The following DDI2 variants were observed in gnomAD, a reference collection of about 807,000 sequenced individuals.
The protein encoded by DDI2 is DDI proteasomal shuttling factor 2, also known as protein DDI1 homolog 2.
A neutral mutation model predicts 48.1 loss-of-function variants in DDI2; 5 were observed. That is an observed-to-expected ratio of 0.10 (90% CI 0.05 to 0.22). The LOEUF is 0.22. Ranked by LOEUF, DDI2 falls within the 10% of genes least tolerant of loss-of-function variation. The probability of loss-of-function intolerance (pLI) is 1.00; values close to 1 mark genes in which losing one functional copy is unlikely to be tolerated. For synonymous variants in DDI2, 205 were observed against 183.6 expected, an observed-to-expected ratio of 1.12 and a Z score of -0.94; for missense variants, 285 against 506.2, an observed-to-expected ratio of 0.56 and a Z score of 4.19.
chr1:15,656,844 G>A, intron 9 of DDI2, 165 bp downstream of exon 9: 1 of 875,782 alleles, frequency 1.1e-6, no homozygotes, highest in Non-Finnish European at 1.7e-6. Flanking sequence ...ATGCATACAT[G>A]GATATGTAAC....
chr1:15,623,166 C>G (rs1639696586), intron 1 of DDI2, among the ~76,000 whole-genome samples: 1 of 152,082 alleles, frequency 6.6e-6, no homozygotes. Context: ...GGTGGTGTTT[C>G]TTCATGTCCA....
Position 15,662,969 on chromosome 1 carries a change from C to T in DDI2, c.*3179C>T, listed in dbSNP as rs1557627198. The T allele has an allele frequency of 1.3e-5, 2 of 151,992 alleles. No individual in the cohort carries two copies. Among genetic ancestry groups the T allele is most frequent in the Non-Finnish European group, 2.9e-5 (2 of 68,006 alleles). The allele number at this position is 151,992 out of a possible 1,614,324, so 9.4% of individuals were successfully genotyped here. A position where few individuals can be genotyped will look rare whatever the true frequency, so the allele number is the denominator to read the frequency against. ...AATATATAGATGTATTTATTGTGGC[C>T]TTTTTTTATATAAGGACTAGCCCTT... On this transcript the variant is annotated 3_prime_UTR_variant, in exon 10 of 10. Coordinates refer to ENST00000480945, the MANE Select transcript of DDI2 (RefSeq NM_032341.5).
At chr1:15,654,072 T>TTACAG (rs539719958) in intron 8 of DDI2, among the ~76,000 whole-genome samples, 336 of 152,326 alleles carry the variant, frequency 2.2e-3, no homozygotes, top group African/African-American at 7.8e-3. Flanking sequence ...TTGGGTTATT[T>TTACAG]TACAGTCTTG....
intron 2 of DDI2, among the ~76,000 whole-genome samples, chr1:15,628,275 A>G (rs1227409088): frequency 1.3e-5 from 2 of 152,162 alleles, no homozygotes; most frequent in African/African-American, 2.4e-5. Context: ...TAGATTAACT[A>G]CCTCACAGAG....
intron 6 of DDI2, among the ~76,000 whole-genome samples, chr1:15,647,303 A>C (rs1570984072): frequency 6.6e-6 from 1 of 151,350 alleles, no homozygotes; most frequent in Non-Finnish European, 1.5e-5. Context: ...ACCTGCTACC[A>C]CACCCGGGTA....
chr1:15,640,394 T>C (rs1639988890), intron 5 of DDI2, among the ~76,000 whole-genome samples: 1 of 152,236 alleles, frequency 6.6e-6, no homozygotes. Flanking sequence ...CTCTGTCTTT[T>C]ACACATAAGG....
rs926845147 is a variant in DDI2, at chr1:15,655,878, G to T, written c.1184-739G>T. ...GAGATCAAGGCTACAGTGAGTTGTG[G>T]TTGCACCACTGCACTCCAACTTAGG... On this transcript the variant is annotated intron_variant, in intron 8 of 9. Coordinates refer to ENST00000480945, the MANE Select transcript of DDI2 (RefSeq NM_032341.5). Among the ~76,000 whole-genome samples the T allele has an allele frequency of 2.6e-5, 4 of 151,492 alleles. No homozygotes were observed. In the East Asian group the frequency reaches 7.7e-4, roughly 29 times the overall value.
chr1:15,640,823 G>A (rs968035391), intron 5 of DDI2, among the ~76,000 whole-genome samples: 1 of 152,138 alleles, frequency 6.6e-6, no homozygotes, highest in Non-Finnish European at 1.5e-5. Flanking sequence ...GTACCTGTGA[G>A]TAATATGAGC....
chr1:15,617,917 G>A (rs1342995305), intron 1 of DDI2, 109 bp downstream of exon 1: 2 of 1,358,686 alleles, frequency 1.5e-6, no homozygotes, highest in Non-Finnish European at 1.9e-6. Context: ...GGGGGAGCAA[G>A]GATAGCCATT....
At chr1:15,632,926 TTTTTTAAAAA>T (rs557397692) in intron 3 of DDI2, among the ~76,000 whole-genome samples, 7,883 of 136,568 alleles carry the variant, frequency 0.058, 287 homozygotes, top group South Asian at 0.08. Flanking sequence ...TTTTTTTTTT[TTTTTTAAAAA>T]AAAAAAAACA....
chr1:15,619,277 C>T (rs1481409526), intron 1 of DDI2, among the ~76,000 whole-genome samples: 3 of 151,648 alleles, frequency 2.0e-5, no homozygotes, highest in African/African-American at 7.3e-5. Flanking sequence ...CGCGCCACCA[C>T]GCCTGGCTAA....
chr1:15,617,947 C>T, intron 1 of DDI2, 139 bp downstream of exon 1: 3 of 1,291,854 alleles, frequency 2.3e-6, no homozygotes, highest in African/African-American at 3.0e-5. Context: ...CCCCCGCATC[C>T]GGAAAGGAGC....
At chr1:15,626,536 C>G in intron 1 of DDI2, 133 bp from the exon 2 acceptor site, 1 of 1,284,568 alleles carries the variant, frequency 7.8e-7, no homozygotes, top group Non-Finnish European at 1.1e-6. Flanking sequence ...GGGTTTTGTT[C>G]TGGATGTGGT....
At chr1:15,642,161 T>C (rs949696349) in intron 5 of DDI2, among the ~76,000 whole-genome samples, 1 of 152,198 alleles carries the variant, frequency 6.6e-6, no homozygotes, top group African/African-American at 2.4e-5. Flanking sequence ...AAGAGTTTTA[T>C]GCCTGTTGGC....
intron 6 of DDI2, among the ~76,000 whole-genome samples, chr1:15,647,013 T>A (rs1640102474): frequency 6.6e-6 from 1 of 152,186 alleles, no homozygotes; most frequent in Admixed American, 6.5e-5. Flanking sequence ...AATTTTATAT[T>A]CTGCTCAAAG....
chr1:15,650,173 T>C (rs1210122890), intron 7 of DDI2, among the ~76,000 whole-genome samples: 1 of 152,228 alleles, frequency 6.6e-6, no homozygotes, highest in Non-Finnish European at 1.5e-5. Context: ...TTTAGCATTC[T>C]CTGATGCTGA....
At chr1:15,639,566 T>G (rs998526212) in intron 5 of DDI2, among the ~76,000 whole-genome samples, 3 of 152,122 alleles carry the variant, frequency 2.0e-5, no homozygotes, top group African/African-American at 7.2e-5. Flanking sequence ...TGGGCTCAAG[T>G]GATCCTCCAG....
chr1:15,630,296 GA>G, intron 2 of DDI2, 28 bp from the exon 3 acceptor site: 1 of 1,607,836 alleles, frequency 6.2e-7, no homozygotes, highest in Non-Finnish European at 8.5e-7. Flanking sequence ...AGAGTAATTT[GA>G]GTAAACTGAA....
At chr1:15,658,313 C>A (rs1053954511) in intron 9 of DDI2, among the ~76,000 whole-genome samples, 12 of 151,848 alleles carry the variant, frequency 7.9e-5, no homozygotes, top group African/African-American at 2.7e-4. Flanking sequence ...CCACGCCTGG[C>A]TAATTTTTGT....
Sources: allele counts gnomAD v4.1 joint callset (sites outside exome capture counted in the v4.1 genomes callset), GRCh38; gene constraint gnomAD v4.1.1; transcripts MANE v1.5; gene names NCBI Gene and HGNC (gene_info 2026-07-23, HGNC 2026-07-21).